DCUN1D3: variants seen among roughly 807,000 people sequenced by gnomAD.
DCUN1D3 encodes DCN1-like protein 3.
Under a neutral mutation model 24.8 loss-of-function variants are expected in DCUN1D3, and 6 were observed. The ratio of observed to expected loss-of-function variants is 0.24; its 90% CI spans 0.13 to 0.48. DCUN1D3 has a LOEUF of 0.48. Ranked by LOEUF, DCUN1D3 falls within the 20% of genes least tolerant of loss-of-function variation. DCUN1D3 has a pLI of 0.99. For missense variants in DCUN1D3, 258 were observed against 379.4 expected (o/e 0.68, Z 2.66); for synonymous variants, 120 against 144.9 (o/e 0.83, Z 1.24).
At chr16:20,876,911 G>C (rs140358850) in intron 1 of DCUN1D3, among the ~76,000 whole-genome samples, 1 of 152,336 alleles carries the variant, frequency 6.6e-6, no homozygotes, top group East Asian at 1.9e-4. Flanking sequence ...CTCAGGAAGA[G>C]AGAGACAGTT....
intron 1 of DCUN1D3, among the ~76,000 whole-genome samples, chr16:20,866,996 G>A (rs1207940132): frequency 2.6e-5 from 4 of 152,160 alleles, no homozygotes; most frequent in East Asian, 3.9e-4. Context: ...AAGGTCTCCC[G>A]TAGACTCACT....
At chr16:20,884,508 CAAGT>C (rs2081859776) in intron 1 of DCUN1D3, among the ~76,000 whole-genome samples, 2 of 152,158 alleles carry the variant, frequency 1.3e-5, no homozygotes, top group South Asian at 4.1e-4. Context: ...CTGACATCTA[CAAGT>C]AAGGTGGTCT....
At chr16:20,868,107 G>C (rs2152516630) in intron 1 of DCUN1D3, among the ~76,000 whole-genome samples, 1 of 151,986 alleles carries the variant, frequency 6.6e-6, no homozygotes, top group East Asian at 1.9e-4. Flanking sequence ...AGGATGTCTA[G>C]CTTTCCACTC....
chr16:20,893,178 T>TC (rs2081899848), intron 1 of DCUN1D3, among the ~76,000 whole-genome samples: 1 of 152,114 alleles, frequency 6.6e-6, no homozygotes. Context: ...TCATCTTTTT[T>TC]TTTTTTTTTA....
chr16:20,869,424 T>C (rs1442015663), intron 1 of DCUN1D3, among the ~76,000 whole-genome samples: 1 of 152,214 alleles, frequency 6.6e-6, no homozygotes, highest in Admixed American at 6.5e-5. Flanking sequence ...ATGCTTCATA[T>C]TCATCATCAC....
At position 20,883,734 on chromosome 16, in the gene DCUN1D3, G is replaced by C. The variant is rs568398924; in HGVS notation, c.-106+16470C>G. Among the ~76,000 whole-genome samples the C allele has an allele frequency of 2.0e-5, 3 of 152,220 alleles. No individual in the cohort carries two copies. The South Asian group carries it at 6.2e-4, about 32-fold the overall frequency. On this transcript the variant is annotated intron_variant, in intron 1 of 2. Coordinates refer to ENST00000324344, the MANE Select transcript of DCUN1D3 (RefSeq NM_173475.4). The stretch of plus-strand genomic sequence containing the variant: ...AGAAAAACAGGTTTCCTTCCAAATG[G>C]GGAAAAGGCAACTGGAAAGATTTTT...
chr16:20,878,974 A>G (rs544712101), intron 1 of DCUN1D3, among the ~76,000 whole-genome samples: 1 of 152,312 alleles, frequency 6.6e-6, no homozygotes, highest in Non-Finnish European at 1.5e-5. Flanking sequence ...TGGCAGACCC[A>G]CACATTCTGC....
intron 1 of DCUN1D3, among the ~76,000 whole-genome samples, chr16:20,867,699 T>A (rs897234475): frequency 1.3e-5 from 2 of 152,232 alleles, no homozygotes; most frequent in Non-Finnish European, 2.9e-5. Context: ...GTAGTAGTAG[T>A]AGCTCAGTAG....
chr16:20,887,178 T>C (rs1219217795), intron 1 of DCUN1D3, among the ~76,000 whole-genome samples: 1 of 152,124 alleles, frequency 6.6e-6, no homozygotes, highest in African/African-American at 2.4e-5. Context: ...GGCGGGTGCC[T>C]GTAATCCCAG....
chr16:20,875,572 A>G (rs1172092084), intron 1 of DCUN1D3, among the ~76,000 whole-genome samples: 1 of 152,222 alleles, frequency 6.6e-6, no homozygotes, highest in Non-Finnish European at 1.5e-5. Context: ...CTAAATGACT[A>G]TATGCAGAAG....
intron 1 of DCUN1D3, among the ~76,000 whole-genome samples, chr16:20,898,616 T>C (rs1222981353): frequency 1.3e-5 from 2 of 152,232 alleles, no homozygotes; most frequent in East Asian, 1.9e-4. Flanking sequence ...AATCAAGCAT[T>C]AAATATTCTG....
In DCUN1D3 at chr16:20,859,873, T is replaced by C. The variant is rs2081722654; in HGVS notation, c.*13A>G. The C allele has an allele frequency of 6.3e-7, 1 of 1,589,790 alleles. No individual in the cohort carries two copies. On this transcript the variant is annotated 3_prime_UTR_variant, in exon 3 of 3. Coordinates refer to ENST00000324344, the MANE Select transcript of DCUN1D3 (RefSeq NM_173475.4). ...GCTGGCAGATCCTTGCTGCTGCTCC[T>C]GGGACAGAGCCACTAAGTCTGCTCC...
intron 1 of DCUN1D3, among the ~76,000 whole-genome samples, chr16:20,886,381 TA>T (rs1419528069): frequency 2.2e-4 from 33 of 152,334 alleles, no homozygotes; most frequent in African/African-American, 7.7e-4. Flanking sequence ...ACTGTTCACC[TA>T]ATATTTTTCT....
rs2081915560 is a variant in DCUN1D3, at chr16:20,896,283, T to C, written c.-106+3921A>G. On this transcript the variant is annotated intron_variant, in intron 1 of 2. Coordinates refer to ENST00000324344, the MANE Select transcript of DCUN1D3 (RefSeq NM_173475.4). The stretch of plus-strand genomic sequence containing the variant: ...GCAAAATCTGATTACCTTTTAGTCG[T>C]GTAATGCAATGTAAAACCACTTACC... The C allele has an allele frequency of 2.6e-5, 4 of 152,328 alleles. No homozygotes were observed. In the South Asian group the frequency reaches 8.3e-4, roughly 32 times the overall value. 9.4% of individuals were successfully genotyped at this position (152,328 alleles called of 1,614,324 possible). A position where few individuals can be genotyped will look rare whatever the true frequency, so the allele number is the denominator to read the frequency against.
intron 1 of DCUN1D3, among the ~76,000 whole-genome samples, chr16:20,881,671 T>C (rs1014039087): frequency 5.9e-5 from 9 of 152,046 alleles, no homozygotes; most frequent in African/African-American, 2.2e-4. Context: ...GCTATCCCTA[T>C]TTTACGGATG....
Position 20,860,413 on chromosome 16 carries a change from C to T in DCUN1D3, c.432-44G>A, listed in dbSNP as rs902256700. On this transcript the variant is annotated intron_variant, in intron 2 of 2. Coordinates refer to ENST00000324344, the MANE Select transcript of DCUN1D3 (RefSeq NM_173475.4). The surrounding 1 kb of genome is among the most constrained non-coding windows in gnomAD (Gnocchi z 4.3). ...GGACAATTAATCATTATAAACTATA[C>T]TATTTACAGGCAATATACATAGTGA... 1 of 1,569,056 alleles carries T rather than the reference C, an allele frequency of 6.4e-7. No homozygotes were observed. Among genetic ancestry groups the T allele is most frequent in the Non-Finnish European group, 8.6e-7 (1 of 1,159,986 alleles).
intron 1 of DCUN1D3, among the ~76,000 whole-genome samples, chr16:20,881,302 G>C (rs754376896): frequency 5.3e-5 from 8 of 152,160 alleles, no homozygotes; most frequent in Non-Finnish European, 1.2e-4. Context: ...AGCTACTCAG[G>C]AGGCTGAGGG....
At chr16:20,874,955 A>G (rs188294788) in intron 1 of DCUN1D3, among the ~76,000 whole-genome samples, 8 of 152,232 alleles carry the variant, frequency 5.3e-5, no homozygotes, top group Admixed American at 3.9e-4. Flanking sequence ...GTGGTACTGC[A>G]AGCTTTGCAA....
intron 1 of DCUN1D3, among the ~76,000 whole-genome samples, chr16:20,883,911 A>T (rs1307536788): frequency 6.6e-6 from 1 of 152,258 alleles, no homozygotes; most frequent in Non-Finnish European, 1.5e-5. Flanking sequence ...TTAAGTCTTC[A>T]ATTAAACATT....
Sources: gnomAD v4.1 joint callset for allele counts (sites outside exome capture counted in the v4.1 genomes callset) on GRCh38, gnomAD v4.1.1 for gene constraint, Gnocchi (gnomAD v3.1) non-coding constraint, MANE v1.5 for transcripts, NCBI Gene and HGNC (gene_info 2026-07-23, HGNC 2026-07-21) for gene names.